Variants in ARMC3 observed in about 807,000 individuals in gnomAD.
ARMC3 encodes the protein armadillo repeat containing 3.
A neutral mutation model predicts 90.3 loss-of-function variants in ARMC3; 74 were observed. The observed-to-expected ratio is 0.82, with a 90% CI of 0.68 to 0.99. The LOEUF (loss-of-function observed/expected upper bound fraction) is 0.99, where lower values mean the gene tolerates loss of function less well. ARMC3 is among the 50% of genes least tolerant of loss of function. The pLI is 0.00. For synonymous variants in ARMC3, 334 were observed against 361.8 expected, an observed-to-expected ratio of 0.92 and a Z score of 0.87; for missense variants, 958 against 1,042.8, an observed-to-expected ratio of 0.92 and a Z score of 1.12.
At chr10:22,964,806 ATTTC>A (rs1310806789) in intron 7 of ARMC3, among the ~76,000 whole-genome samples, 15 of 142,782 alleles carry the variant, frequency 1.1e-4, no homozygotes, top group African/African-American at 3.9e-4. Context: ...TTTTTGCCGT[ATTTC>A]TTTGTTCTAT....
chr10:22,941,639 G>A (rs1739108776), intron 2 of ARMC3, among the ~76,000 whole-genome samples: 1 of 152,192 alleles, frequency 6.6e-6, no homozygotes, highest in South Asian at 2.1e-4. Flanking sequence ...TTAGGGATTG[G>A]CCTTGGATAT....
chr10:23,010,217 T>C (rs1837861321), intron 16 of ARMC3, among the ~76,000 whole-genome samples: 1 of 138,508 alleles, frequency 7.2e-6, no homozygotes, highest in African/African-American at 2.7e-5. Flanking sequence ...CGCTTCTTTG[T>C]CCTTCCCTTC....
intron 2 of ARMC3, among the ~76,000 whole-genome samples, chr10:22,934,703 A>G (rs1045633413): frequency 6.6e-6 from 1 of 152,208 alleles, no homozygotes; most frequent in Non-Finnish European, 1.5e-5. Flanking sequence ...AGGATGTGAT[A>G]CTGCTTAATT....
Position 22,959,566 on chromosome 10 carries a change from T to C in ARMC3, c.529T>C (p.Leu177=). 6.3e-7 allele frequency: 1 copy of C among 1,599,396 alleles called. No homozygotes were observed. Among genetic ancestry groups the C allele is most frequent in the Admixed American group, 1.8e-5 (1 of 55,594 alleles). The stretch of plus-strand genomic sequence containing the variant: ...GAACTCTATGGAATGCATTTACAAC[T>C]TGGTGCAGGTAAGATTAATTTCTAA... ...KKNSMECIYN[L]VQDFQCRAKL... Residue 177 remains leucine (L), a synonymous_variant, in exon 6 of 19, where the codon TTG becomes CTG. Transcript: ENST00000298032.
At chr10:23,014,038 A>G in intron 16 of ARMC3, 2 of 1,528,502 alleles carry the variant, frequency 1.3e-6, no homozygotes, top group African/African-American at 2.8e-5. Context: ...TAAACAAATG[A>G]GAATAATTAT....
intron 2 of ARMC3, among the ~76,000 whole-genome samples, chr10:22,943,349 T>C (rs1327069556): frequency 3.3e-5 from 5 of 152,238 alleles, no homozygotes; most frequent in Non-Finnish European, 7.3e-5. Context: ...GTATTTTCTG[T>C]CCCTTTTCTG....
chr10:22,959,670 T>A, intron 6 of ARMC3, 96 bp downstream of exon 6: 1 of 1,230,474 alleles, frequency 8.1e-7, no homozygotes, highest in South Asian at 1.6e-5. Context: ...ATGCACCAGT[T>A]TTGCATCATC....
At chr10:22,967,308 A>G (rs1272892326) in intron 7 of ARMC3, among the ~76,000 whole-genome samples, 1 of 152,112 alleles carries the variant, frequency 6.6e-6, no homozygotes, top group Non-Finnish European at 1.5e-5. Context: ...ATTTGGCCAA[A>G]TATCTGGGTA....
intron 7 of ARMC3, among the ~76,000 whole-genome samples, chr10:22,963,181 T>C (rs1835276708): frequency 1.3e-5 from 2 of 152,214 alleles, no homozygotes; most frequent in African/African-American, 4.8e-5. Context: ...ATTGTGATTT[T>C]ATTAAATTTG....
intron 7 of ARMC3, among the ~76,000 whole-genome samples, chr10:22,965,676 A>C (rs1382358067): frequency 6.6e-6 from 1 of 152,020 alleles, no homozygotes; most frequent in Non-Finnish European, 1.5e-5. Context: ...ATCTTGCTTG[A>C]TATTTTACAG....
intron 3 of ARMC3, among the ~76,000 whole-genome samples, chr10:22,954,208 T>G (rs1411428077): frequency 6.6e-6 from 1 of 152,226 alleles, no homozygotes; most frequent in Non-Finnish European, 1.5e-5. Flanking sequence ...ATTTTAAAAT[T>G]TGGTTGTTTT....
At chr10:22,942,383 T>C (rs191384919) in intron 2 of ARMC3, among the ~76,000 whole-genome samples, 1 of 152,276 alleles carries the variant, frequency 6.6e-6, no homozygotes, top group Non-Finnish European at 1.5e-5. Context: ...AGCTGAATGA[T>C]AGATGGATGC....
chr10:22,994,514 G>A (rs1271217379), intron 10 of ARMC3, among the ~76,000 whole-genome samples: 3 of 152,240 alleles, frequency 2.0e-5, no homozygotes, highest in South Asian at 4.1e-4. Context: ...CCTGGGCAAC[G>A]TAGCAAGACT....
Position 22,968,372 on chromosome 10 carries a change from A to ATGG in ARMC3, c.802_804dup (p.Val268dup). ...CAATTGCCTTGAAGACATGGATACTATGGTGCAGATTCAGCAGACAGGGGG... is the reference window on the plus strand; with the variant it reads ...CAATTGCCTTGAAGACATGGATACTATGGTGGTGCAGATTCAGCAGACAGGGGG... On this transcript the variant is annotated inframe_insertion, in exon 8 of 19. Transcript: ENST00000298032. 6.2e-7 allele frequency: 1 copy of ATGG among 1,614,064 alleles called. No homozygotes were observed. The highest frequency in any genetic ancestry group is 1.7e-4 in the Middle Eastern group (1 of 6,060).
Position 22,946,995 on chromosome 10 carries a change from A to C in ARMC3, c.166+734A>C, listed in dbSNP as rs140423707. 4.3e-4 allele frequency among the ~76,000 whole-genome samples: 66 copies of C among 152,110 alleles called. No individual in the cohort carries two copies. In the East Asian group the frequency reaches 9.8e-3, roughly 23 times the overall value. On this transcript the variant is annotated intron_variant, in intron 3 of 18. Transcript: ENST00000298032. ...GGCAATGTGGCAAAGCCCCATCTCT[A>C]TATATAAAAATATATATATACAAAA...
Position 22,968,604 on chromosome 10 carries a change from T to G in ARMC3, c.916+115T>G, listed in dbSNP as rs558740654. 17 of 915,506 alleles carry G rather than the reference T, an allele frequency of 1.9e-5. No homozygotes were observed. The East Asian group carries it at 4.6e-4, about 25-fold the overall frequency. The allele number at this position is 915,506 out of a possible 1,614,324, so 56.7% of individuals were successfully genotyped here. A position where few individuals can be genotyped will look rare whatever the true frequency, so the allele number is the denominator to read the frequency against. ...AGCCTCAACCTCCCCAGGTTACAAG[T>G]GATTCTCCCACCTCAGCCTTCCTAG... On this transcript the variant is annotated intron_variant, in intron 8 of 18. Coordinates refer to ENST00000298032, the MANE Select transcript of ARMC3 (RefSeq NM_173081.5).
intron 16 of ARMC3, among the ~76,000 whole-genome samples, chr10:23,019,790 C>T (rs1387684862): frequency 6.6e-6 from 1 of 151,994 alleles, no homozygotes; most frequent in Non-Finnish European, 1.5e-5. Context: ...AGCAATTCGC[C>T]TGCCTCTGCC....
At chr10:22,967,737 A>G (rs1051767297) in intron 7 of ARMC3, among the ~76,000 whole-genome samples, 2 of 152,178 alleles carry the variant, frequency 1.3e-5, no homozygotes, top group African/African-American at 4.8e-5. Flanking sequence ...ATTGGCCACA[A>G]TGTATTTGCT....
chr10:23,027,365 G>C (rs71491945), intron 16 of ARMC3, among the ~76,000 whole-genome samples: 1 of 152,114 alleles, frequency 6.6e-6, no homozygotes, highest in Admixed American at 6.6e-5. Flanking sequence ...AAGTTTATCT[G>C]TAAGTATTTT....
Sources: gnomAD v4.1 joint callset for allele counts (sites outside exome capture counted in the v4.1 genomes callset) on GRCh38, gnomAD v4.1.1 for gene constraint, MANE v1.5 for transcripts, NCBI Gene and HGNC (gene_info 2026-07-23, HGNC 2026-07-21) for gene names.